PDE4D: variants seen among roughly 807,000 people sequenced by gnomAD.
PDE4D encodes phosphodiesterase 4D, also known as 3',5'-cyclic-AMP phosphodiesterase 4D.
In PDE4D, 24 loss-of-function variants were observed where a neutral mutation model predicts 87.4. The ratio of observed to expected loss-of-function variants is 0.27; its 90% confidence interval spans 0.20 to 0.39. The LOEUF is 0.39. Ranked by LOEUF, PDE4D falls within the 10% of genes least tolerant of loss-of-function variation. The probability of loss-of-function intolerance (pLI) is 1.00; values close to 1 mark genes in which losing one functional copy is unlikely to be tolerated. For synonymous variants in PDE4D, 384 were observed against 383.2 expected (o/e 1.00, Z -0.02); for missense variants, 714 against 1,041.0 (o/e 0.69, Z 4.32).
At chr5:59,214,293 A>G (rs971952202) in intron 2 of PDE4D, among the ~76,000 whole-genome samples, 2 of 151,074 alleles carry the variant, frequency 1.3e-5, no homozygotes, top group African/African-American at 4.9e-5. Flanking sequence ...TCAGCTAAAA[A>G]CCTCTGTGGC....
intron 1 of PDE4D, among the ~76,000 whole-genome samples, chr5:59,591,491 G>A (rs921657889): frequency 6.6e-6 from 1 of 152,056 alleles, no homozygotes; most frequent in Non-Finnish European, 1.5e-5. Flanking sequence ...AAATGTTAAG[G>A]TATATTTTTT....
chr5:60,494,608 T>C (rs1488205644), intron 1 of PDE4D, among the ~76,000 whole-genome samples: 2 of 152,326 alleles, frequency 1.3e-5, no homozygotes, highest in South Asian at 2.1e-4. Context: ...GATTCTTCTT[T>C]GTGGCCCACA....
chr5:59,111,669 G>A (rs1772666016), intron 5 of PDE4D, among the ~76,000 whole-genome samples: 1 of 152,206 alleles, frequency 6.6e-6, no homozygotes, highest in Non-Finnish European at 1.5e-5. Flanking sequence ...AGGGGAATGA[G>A]ACAGAGACCA....
intron 2 of PDE4D, among the ~76,000 whole-genome samples, chr5:59,197,965 G>A (rs1745841163): frequency 6.6e-6 from 1 of 152,156 alleles, no homozygotes; most frequent in African/African-American, 2.4e-5. Context: ...GGCCTACTTG[G>A]CTAAATATTT....
chr5:60,303,119 G>A (rs888170332), intron 1 of PDE4D, among the ~76,000 whole-genome samples: 8 of 151,846 alleles, frequency 5.3e-5, no homozygotes, highest in East Asian at 1.9e-4. Context: ...GTGAGCCACC[G>A]TGCCCAGCCT....
chr5:59,297,945 T>C (rs1437660350), intron 1 of PDE4D, among the ~76,000 whole-genome samples: 1 of 151,918 alleles, frequency 6.6e-6, no homozygotes, highest in Non-Finnish European at 1.5e-5. Context: ...TAAATCTTGA[T>C]GAAAAGACTT....
intron 1 of PDE4D, among the ~76,000 whole-genome samples, chr5:59,675,732 C>G (rs1747955768): frequency 1.3e-5 from 2 of 150,824 alleles, no homozygotes; most frequent in Admixed American, 1.3e-4. Context: ...CTCTGTCACC[C>G]AGGCTGGAGT....
At chr5:60,372,966 C>T (rs1047870153) in intron 1 of PDE4D, among the ~76,000 whole-genome samples, 1 of 152,228 alleles carries the variant, frequency 6.6e-6, no homozygotes, top group Non-Finnish European at 1.5e-5. Flanking sequence ...CGTTCACAAT[C>T]AGACACACCG....
intron 2 of PDE4D, among the ~76,000 whole-genome samples, chr5:59,995,598 T>C (rs1206953021): frequency 6.6e-6 from 1 of 152,096 alleles, no homozygotes; most frequent in Non-Finnish European, 1.5e-5. Flanking sequence ...GGATTACAGG[T>C]GTGAGCCACT....
chr5:59,361,105 T>G (rs928346318), intron 1 of PDE4D, among the ~76,000 whole-genome samples: 1 of 152,158 alleles, frequency 6.6e-6, no homozygotes, highest in Non-Finnish European at 1.5e-5. Context: ...AGTCAAGCTT[T>G]TCTATTCACT....
At chr5:60,231,531 A>G (rs1030191099) in intron 1 of PDE4D, among the ~76,000 whole-genome samples, 2 of 151,982 alleles carry the variant, frequency 1.3e-5, no homozygotes, top group East Asian at 1.9e-4. Context: ...AGAATTTTCA[A>G]TGATAGGATC....
Position 59,713,380 on chromosome 5 carries a change from C to T in PDE4D, c.455+179788G>A, listed in dbSNP as rs1262095274. ...GTAAGGCGCATTAGGTGATCACCCACATGAGCTTGTAACTGGCTCAGAGCC... is the reference window on the plus strand; with the variant it reads ...GTAAGGCGCATTAGGTGATCACCCATATGAGCTTGTAACTGGCTCAGAGCC... On this transcript the variant is annotated intron_variant, in intron 1 of 14. Coordinates refer to ENST00000340635, the MANE Select transcript of PDE4D (RefSeq NM_001104631.2). Among the ~76,000 whole-genome samples, 4 of 152,188 alleles carry T rather than the reference C, an allele frequency of 2.6e-5. No homozygotes were observed. The East Asian group carries it at 7.7e-4, about 29-fold the overall frequency.
intron 3 of PDE4D, among the ~76,000 whole-genome samples, chr5:59,970,225 T>TA (rs773269347): frequency 2.6e-5 from 4 of 152,134 alleles, no homozygotes; most frequent in Non-Finnish European, 5.9e-5. Flanking sequence ...ATTAAAGACT[T>TA]AAACGTTAGA....
chr5:60,467,993 G>A (rs549828970), intron 1 of PDE4D, among the ~76,000 whole-genome samples: 275 of 152,214 alleles, frequency 1.8e-3, no homozygotes, highest in African/African-American at 6.5e-3. Flanking sequence ...GGAACCCAGA[G>A]CCAAACCATA....
chr5:59,396,543 G>A, intron 1 of PDE4D, among the ~76,000 whole-genome samples: 1 of 77,130 alleles, frequency 1.3e-5, no homozygotes, highest in Non-Finnish European at 2.5e-5. Flanking sequence ...GAGAGATTTT[G>A]TCACCACCAG....
At chr5:59,207,537 A>C (rs1402872477) in intron 2 of PDE4D, among the ~76,000 whole-genome samples, 1 of 152,126 alleles carries the variant, frequency 6.6e-6, no homozygotes, top group African/African-American at 2.4e-5. Flanking sequence ...TATTTCACAC[A>C]TAATGTGCTC....
chr5:59,538,007 A>T (rs1815581540), intron 1 of PDE4D, among the ~76,000 whole-genome samples: 1 of 152,184 alleles, frequency 6.6e-6, no homozygotes, highest in African/African-American at 2.4e-5. Flanking sequence ...TTGGGGTTAG[A>T]CCATCCCTGT....
chr5:59,220,160 AGAT>A (rs1752170434), intron 1 of PDE4D, among the ~76,000 whole-genome samples: 1 of 152,112 alleles, frequency 6.6e-6, no homozygotes, highest in Non-Finnish European at 1.5e-5. Flanking sequence ...CAGGGGAGTA[AGAT>A]GAGGAAGACC....
At chr5:59,569,686 C>G (rs1821502720) in intron 1 of PDE4D, among the ~76,000 whole-genome samples, 1 of 152,150 alleles carries the variant, frequency 6.6e-6, no homozygotes, top group South Asian at 2.1e-4. Flanking sequence ...GATTAGCAGC[C>G]TCAAAGAACT....
Sources: gnomAD v4.1 joint callset for allele counts (sites outside exome capture counted in the v4.1 genomes callset) on GRCh38, gnomAD v4.1.1 for gene constraint, MANE v1.5 for transcripts, NCBI Gene and HGNC (gene_info 2026-07-23, HGNC 2026-07-21) for gene names.